The following DSCAM variants were observed in gnomAD, a reference collection of about 807,000 sequenced individuals.
DSCAM encodes cell adhesion molecule DSCAM.
A neutral mutation model predicts 217.7 loss-of-function variants in DSCAM; 47 were observed. The observed-to-expected ratio is 0.22, with a 90% CI of 0.17 to 0.28. The LOEUF (loss-of-function observed/expected upper bound fraction) is 0.28, where lower values mean the gene tolerates loss of function less well. Ranked by LOEUF, DSCAM falls within the 10% of genes least tolerant of loss-of-function variation. DSCAM has a pLI of 1.00. For synonymous variants in DSCAM, 1,056 were observed against 1,015.3 expected (o/e 1.04, Z -0.76); for missense variants, 2,080 against 2,618.3 (o/e 0.79, Z 4.49).
intron 3 of DSCAM, among the ~76,000 whole-genome samples, chr21:40,388,894 A>G (rs1340942901): frequency 7.2e-5 from 11 of 152,162 alleles, no homozygotes. Context: ...TATAAATTCC[A>G]GGTAGAACAT....
At chr21:40,264,406 G>T (rs1056464314) in intron 11 of DSCAM, among the ~76,000 whole-genome samples, 1 of 152,046 alleles carries the variant, frequency 6.6e-6, no homozygotes, top group Non-Finnish European at 1.5e-5. Flanking sequence ...CTCCACATAC[G>T]CAAGTCAAAA....
chr21:40,650,691 G>T (rs966886686), intron 3 of DSCAM, among the ~76,000 whole-genome samples: 47 of 152,188 alleles, frequency 3.1e-4, no homozygotes, highest in African/African-American at 1.1e-3. Flanking sequence ...CAAGGCGGGC[G>T]GATCATGAGG....
chr21:40,257,469 A>AACACACACACACACACACACAC lies in DSCAM; in HGVS notation c.2356+18606_2356+18627dup, dbSNP rs141911963. On this transcript the variant is annotated intron_variant, in intron 11 of 32. Transcript: ENST00000400454. ...TTCAAAGGGCTGGCTGTATTTGCTG[A>AACACACACACACACACACACAC]ACACACACACACACACACACACACA... Among the ~76,000 whole-genome samples, 611 of 144,766 alleles carry AACACACACACACACACACACAC rather than the reference A, an allele frequency of 4.2e-3. 5 individuals are homozygous for AACACACACACACACACACACAC. Among genetic ancestry groups the AACACACACACACACACACACAC allele is most frequent in the African/African-American group, 8.5e-3 (334 of 39,108 alleles). The allele number at this position is 144,766 out of a possible 152,430, so 95.0% of individuals were successfully genotyped here. A position where few individuals can be genotyped will look rare whatever the true frequency, so the allele number is the denominator to read the frequency against.
At position 40,647,146 on chromosome 21, in the gene DSCAM, G is replaced by A. The variant is rs1418260224; in HGVS notation, c.508+45664C>T. ...TATTGGTGGCCGAATTGGAGGAGTTGTTAAAGTTCAGAAGACCAGCATTCA... is the reference window on the plus strand; with the variant it reads ...TATTGGTGGCCGAATTGGAGGAGTTATTAAAGTTCAGAAGACCAGCATTCA... On this transcript the variant is annotated intron_variant, in intron 3 of 32. Coordinates refer to ENST00000400454, the MANE Select transcript of DSCAM (RefSeq NM_001389.5). Among the ~76,000 whole-genome samples, 4 of 152,310 alleles carry A rather than the reference G, an allele frequency of 2.6e-5. No homozygotes were observed. The East Asian group carries it at 7.7e-4, about 29-fold the overall frequency.
intron 3 of DSCAM, among the ~76,000 whole-genome samples, chr21:40,486,863 T>C (rs2076032709): frequency 6.6e-6 from 1 of 152,132 alleles, no homozygotes; most frequent in Non-Finnish European, 1.5e-5. Flanking sequence ...GTAGGACACC[T>C]GCCCTCACCC....
At position 40,218,982 on chromosome 21, in the gene DSCAM, G is replaced by A. The variant is rs191435402; in HGVS notation, c.2357-29744C>T. Reference sequence around the variant, plus strand: ...TGCCCTTTATTTCCTTCTCTTTCCTGATTGCTCTAGCTAGGACTTTCAATA... The same window carrying A: ...TGCCCTTTATTTCCTTCTCTTTCCTAATTGCTCTAGCTAGGACTTTCAATA... On this transcript the variant is annotated intron_variant, in intron 11 of 32. Coordinates refer to ENST00000400454, the MANE Select transcript of DSCAM (RefSeq NM_001389.5). Among the ~76,000 whole-genome samples the A allele has an allele frequency of 4.3e-3, 647 of 152,224 alleles. 4 individuals are homozygous for A. The highest frequency in any genetic ancestry group is 0.015 in the African/African-American group (638 of 41,522).
intron 32 of DSCAM, among the ~76,000 whole-genome samples, chr21:40,026,211 G>C (rs1180230902): frequency 7.1e-6 from 1 of 141,418 alleles, no homozygotes; most frequent in Non-Finnish European, 1.6e-5. Context: ...CTGAGATCTA[G>C]TTTGATTGAC....
chr21:40,068,017 C>T (rs1424170197), intron 27 of DSCAM, among the ~76,000 whole-genome samples: 1 of 152,084 alleles, frequency 6.6e-6, no homozygotes, highest in Admixed American at 6.6e-5. Flanking sequence ...GACTTCGCGA[C>T]ATCTTTTCTA....
At chr21:40,347,259 C>T (rs982270900) in intron 6 of DSCAM, among the ~76,000 whole-genome samples, 3 of 148,174 alleles carry the variant, frequency 2.0e-5, no homozygotes, top group African/African-American at 7.6e-5. Context: ...GACTGTGCCA[C>T]TGCACTCCAG....
At chr21:40,022,676 T>C (rs1175800789) in intron 32 of DSCAM, among the ~76,000 whole-genome samples, 1 of 152,206 alleles carries the variant, frequency 6.6e-6, no homozygotes, top group East Asian at 1.9e-4. Flanking sequence ...GGGCTTGGTG[T>C]TGAAATCCTG....
In DSCAM at chr21:40,594,277, T is replaced by C. The variant is rs573500552; in HGVS notation, c.508+98533A>G. Among the ~76,000 whole-genome samples, 161 of 152,188 alleles carry C rather than the reference T, an allele frequency of 1.1e-3. 1 individual carries two copies. The highest frequency in any genetic ancestry group is 2.0e-3 in the Non-Finnish European group (133 of 68,036). ...GCAATAGAGTCTGGACATGTGTGGC[T>C]GGTGGGTGGAGATTCTGCAAAGCCA... On this transcript the variant is annotated intron_variant, in intron 3 of 32. Coordinates refer to ENST00000400454, the MANE Select transcript of DSCAM (RefSeq NM_001389.5).
At chr21:40,326,089 A>G (rs1248447330) in intron 8 of DSCAM, among the ~76,000 whole-genome samples, 2 of 152,232 alleles carry the variant, frequency 1.3e-5, no homozygotes, top group African/African-American at 4.8e-5. Flanking sequence ...TTAAGTACAC[A>G]TAAGTCTGTG....
At chr21:40,178,535 C>T (rs1411756048) in intron 15 of DSCAM, among the ~76,000 whole-genome samples, 1 of 152,182 alleles carries the variant, frequency 6.6e-6, no homozygotes, top group African/African-American at 2.4e-5. Flanking sequence ...CCTAGTTAAG[C>T]ATTACTGCTT....
At chr21:40,445,948 T>C (rs1344992694) in intron 3 of DSCAM, among the ~76,000 whole-genome samples, 2 of 152,198 alleles carry the variant, frequency 1.3e-5, no homozygotes, top group Admixed American at 1.3e-4. Flanking sequence ...GTTTCTGTAT[T>C]AGAAAAATAT....
chr21:40,837,473 T>C (rs567239362), intron 1 of DSCAM, among the ~76,000 whole-genome samples: 46 of 152,342 alleles, frequency 3.0e-4, no homozygotes, highest in African/African-American at 1.0e-3. Context: ...AAATATTCAA[T>C]GAAGCCTATT....
chr21:40,279,236 C>G (rs1476500217), intron 10 of DSCAM, among the ~76,000 whole-genome samples: 2 of 152,170 alleles, frequency 1.3e-5, no homozygotes, highest in Non-Finnish European at 2.9e-5. Context: ...CCATTTTTAT[C>G]CCTAAATCTG....
chr21:40,789,656 C>T (rs544101097), intron 1 of DSCAM, among the ~76,000 whole-genome samples: 11 of 151,060 alleles, frequency 7.3e-5, no homozygotes, highest in Admixed American at 4.6e-4. Flanking sequence ...CCCGGGTTCA[C>T]GCCATTCTCC....
chr21:40,563,177 C>A (rs963793388), intron 3 of DSCAM, among the ~76,000 whole-genome samples: 1 of 151,924 alleles, frequency 6.6e-6, no homozygotes, highest in African/African-American at 2.4e-5. Flanking sequence ...CACAGGTCAA[C>A]CAACTGTCTT....
At chr21:40,020,105 A>G (rs1222105857) in intron 32 of DSCAM, among the ~76,000 whole-genome samples, 2 of 152,224 alleles carry the variant, frequency 1.3e-5, no homozygotes, top group African/African-American at 2.4e-5. Flanking sequence ...AAGTAATTGA[A>G]TCATGGCAGT....
Sources: gnomAD v4.1 joint callset for allele counts (sites outside exome capture counted in the v4.1 genomes callset) on GRCh38, gnomAD v4.1.1 for gene constraint, MANE v1.5 for transcripts, NCBI Gene and HGNC (gene_info 2026-07-23, HGNC 2026-07-21) for gene names.